The following FOXP1 variants were observed in gnomAD, a reference collection of about 807,000 sequenced individuals.
The protein encoded by FOXP1 is forkhead box P1, also known as forkhead box protein P1.
In FOXP1, 15 loss-of-function variants were observed where a neutral mutation model predicts 98.2. The ratio of observed to expected loss-of-function variants is 0.15; its 90% confidence interval spans 0.10 to 0.24. The LOEUF is 0.24. Ranked by LOEUF, FOXP1 falls within the 10% of genes least tolerant of loss-of-function variation. FOXP1 has a pLI of 1.00. For missense variants in FOXP1, 633 were observed against 848.5 expected (o/e 0.75, Z 3.15); for synonymous variants, 371 against 314.5 (o/e 1.18, Z -1.90).
chr3:71,281,673 A>T (rs572070522), intron 5 of FOXP1, among the ~76,000 whole-genome samples: 1 of 152,360 alleles, frequency 6.6e-6, no homozygotes, highest in Non-Finnish European at 1.5e-5. Context: ...CCTCACAAAC[A>T]GCCCTGGAAA....
chr3:71,386,418 TCA>T (rs2080576442), intron 3 of FOXP1, among the ~76,000 whole-genome samples: 1 of 152,096 alleles, frequency 6.6e-6, no homozygotes, highest in Non-Finnish European at 1.5e-5. Flanking sequence ...TTTCCAAGAC[TCA>T]GTCTTCTCAT....
chr3:71,154,218 G>T (rs1402994), intron 6 of FOXP1, among the ~76,000 whole-genome samples: 65,205 of 151,444 alleles, frequency 0.43, 14,380 homozygotes, highest in Non-Finnish European at 0.48. Context: ...TCATTTTTTT[G>T]TGTGTGTGGG....
intron 4 of FOXP1, among the ~76,000 whole-genome samples, chr3:71,321,224 G>A (rs923766385): frequency 2.6e-5 from 4 of 151,978 alleles, no homozygotes; most frequent in Non-Finnish European, 4.4e-5. Flanking sequence ...TTGGGCTGTG[G>A]TCTGCTTAAC....
intron 3 of FOXP1, among the ~76,000 whole-genome samples, chr3:71,455,020 A>T (rs2087331638): frequency 6.6e-6 from 1 of 152,174 alleles, no homozygotes; most frequent in Non-Finnish European, 1.5e-5. Flanking sequence ...TTCAAAAACC[A>T]TGTCATAGCT....
At chr3:71,400,903 A>G (rs1384677219) in intron 3 of FOXP1, among the ~76,000 whole-genome samples, 1 of 152,200 alleles carries the variant, frequency 6.6e-6, no homozygotes, top group Non-Finnish European at 1.5e-5. Context: ...TAATAAACAG[A>G]GGCTTCAGGA....
chr3:71,548,553 C>G (rs1005822616), intron 2 of FOXP1, among the ~76,000 whole-genome samples: 1 of 152,090 alleles, frequency 6.6e-6, no homozygotes, highest in African/African-American at 2.4e-5. Flanking sequence ...TGTGAGCCAC[C>G]ACACCCAGCT....
chr3:71,006,172 T>C (rs570519036), intron 12 of FOXP1, among the ~76,000 whole-genome samples: 3 of 152,258 alleles, frequency 2.0e-5, no homozygotes, highest in Admixed American at 1.3e-4. Flanking sequence ...TTTAGGTCAC[T>C]GGGTTTTGAA....
At chr3:71,095,306 G>T (rs2056348360) in intron 7 of FOXP1, among the ~76,000 whole-genome samples, 2 of 152,184 alleles carry the variant, frequency 1.3e-5, no homozygotes, top group East Asian at 3.9e-4. Context: ...GCCTCACACG[G>T]TTGGTCTTAC....
At chr3:71,058,528 C>G (rs1055321828) in intron 7 of FOXP1, among the ~76,000 whole-genome samples, 1 of 138,102 alleles carries the variant, frequency 7.2e-6, no homozygotes, top group Non-Finnish European at 1.6e-5. Flanking sequence ...AGGAGCAAAA[C>G]AAATTAAATT....
At chr3:71,343,007 A>C (rs925445074) in intron 4 of FOXP1, among the ~76,000 whole-genome samples, 2 of 152,240 alleles carry the variant, frequency 1.3e-5, no homozygotes, top group African/African-American at 4.8e-5. Context: ...GAAGGTGGTA[A>C]GAGGAGCTAC....
At chr3:71,413,440 A>G (rs780416999) in intron 3 of FOXP1, among the ~76,000 whole-genome samples, 28 of 152,066 alleles carry the variant, frequency 1.8e-4, no homozygotes, top group Non-Finnish European at 2.4e-4. Flanking sequence ...CCACACACAC[A>G]TATACACACA....
intron 2 of FOXP1, among the ~76,000 whole-genome samples, chr3:71,523,413 A>C (rs2107472475): frequency 6.6e-6 from 1 of 152,320 alleles, no homozygotes; most frequent in South Asian, 2.1e-4. Context: ...GTTGTAATAA[A>C]CAGTAACCCT....
At chr3:70,972,755 C>T in intron 17 of FOXP1, 79 bp from the exon 18 acceptor site, 1 of 1,452,946 alleles carries the variant, frequency 6.9e-7, no homozygotes, top group Non-Finnish European at 9.5e-7. Flanking sequence ...TTCAGCCTAA[C>T]AGTCCACATT....
At chr3:71,424,773 G>A (rs1159060331) in intron 3 of FOXP1, among the ~76,000 whole-genome samples, 1 of 152,200 alleles carries the variant, frequency 6.6e-6, no homozygotes, top group Non-Finnish European at 1.5e-5. Context: ...CCTATGCTGG[G>A]CTGGCTTCTG....
chr3:71,089,193 T>C (rs1025031859), intron 7 of FOXP1, among the ~76,000 whole-genome samples: 5 of 152,284 alleles, frequency 3.3e-5, no homozygotes, highest in Middle Eastern at 6.8e-3. Flanking sequence ...CTGTGACCAA[T>C]AAATATGGCA....
At chr3:70,972,921 A>G (rs1243460997) in intron 17 of FOXP1, among the ~76,000 whole-genome samples, 2 of 152,236 alleles carry the variant, frequency 1.3e-5, no homozygotes, top group African/African-American at 4.8e-5. Context: ...ACCAGCAGAA[A>G]TATTTTTTAA....
At chr3:71,509,220 C>T (rs187778093) in intron 2 of FOXP1, among the ~76,000 whole-genome samples, 1 of 152,296 alleles carries the variant, frequency 6.6e-6, no homozygotes, top group East Asian at 1.9e-4. Context: ...GCTGCTGTAA[C>T]CCAGTACAAG....
intron 2 of FOXP1, among the ~76,000 whole-genome samples, chr3:71,555,670 C>T (rs1249360060): frequency 6.6e-6 from 1 of 152,130 alleles, no homozygotes; most frequent in African/African-American, 2.4e-5. Flanking sequence ...GAACGTGTTC[C>T]AGGGTCCATG....
intron 6 of FOXP1, among the ~76,000 whole-genome samples, chr3:71,147,920 T>A (rs972730150): frequency 1.3e-5 from 2 of 152,182 alleles, no homozygotes; most frequent in African/African-American, 4.8e-5. Context: ...AAACTGAATA[T>A]GTCTAAAACA....
Sources: gnomAD v4.1 joint callset for allele counts (sites outside exome capture counted in the v4.1 genomes callset) on GRCh38, gnomAD v4.1.1 for gene constraint, MANE v1.5 for transcripts, NCBI Gene and HGNC (gene_info 2026-07-23, HGNC 2026-07-21) for gene names.